The following C12orf42 variants were observed in gnomAD, a reference collection of about 807,000 sequenced individuals.
C12orf42 encodes the protein uncharacterized protein C12orf42.
A neutral mutation model predicts 21.6 loss-of-function variants in C12orf42; 25 were observed. The ratio of observed to expected loss-of-function variants is 1.16; its 90% CI spans 0.84 to 1.62. The LOEUF (loss-of-function observed/expected upper bound fraction) is 1.62, where lower values mean the gene tolerates loss of function less well. C12orf42 is among the 40% of genes most tolerant of loss of function. The pLI is 0.00. For missense variants in C12orf42, 483 were observed against 459.3 expected (o/e 1.05, Z -0.47); for synonymous variants, 174 against 175.0 (o/e 0.99, Z 0.05).
the C12orf42 span, among the ~76,000 whole-genome samples, chr12:103,209,526 G>A: frequency 2.0e-5 from 3 of 152,188 alleles, no homozygotes; most frequent in African/African-American, 7.2e-5. Context: ...AATAAAAGGT[G>A]ATTTGCAAAC....
intron 2 of C12orf42, among the ~76,000 whole-genome samples, chr12:103,407,684 G>A (rs374815625): frequency 9.8e-4 from 149 of 152,276 alleles, no homozygotes; most frequent in African/African-American, 3.4e-3. Context: ...GGAGTCAAAA[G>A]TTATGCATGG....
At chr12:103,115,594 A>C in the C12orf42 span, among the ~76,000 whole-genome samples, 3 of 152,174 alleles carry the variant, frequency 2.0e-5, no homozygotes, top group Admixed American at 6.5e-5. Context: ...CACTTCCCGG[A>C]GTTGTTTTGA....
At chr12:103,562,713 A>C in the C12orf42 span, among the ~76,000 whole-genome samples, 1 of 152,196 alleles carries the variant, frequency 6.6e-6, no homozygotes, top group Non-Finnish European at 1.5e-5. Flanking sequence ...TTATCCAAAC[A>C]ACAGATGACT....
intron 10 of C12orf42, among the ~76,000 whole-genome samples, chr12:103,248,855 T>C (rs777596758): frequency 7.9e-5 from 12 of 152,086 alleles, no homozygotes; most frequent in Non-Finnish European, 1.5e-4. Context: ...GTTTGGTATA[T>C]GGTTGACTAT....
chr12:103,086,827 G>A, the C12orf42 span, among the ~76,000 whole-genome samples: 1 of 151,950 alleles, frequency 6.6e-6, no homozygotes, highest in Admixed American at 6.6e-5. Context: ...AAGAAATCAC[G>A]TTTTCTTCAT....
intron 2 of C12orf42, chr12:103,431,391 AT>A (rs890867322): frequency 2.0e-4 from 31 of 152,340 alleles, no homozygotes; most frequent in African/African-American, 7.5e-4. Flanking sequence ...CTAACCTTTT[AT>A]AAAAATTTAC....
At chr12:103,407,319 A>G (rs2048496583) in intron 2 of C12orf42, among the ~76,000 whole-genome samples, 1 of 152,212 alleles carries the variant, frequency 6.6e-6, no homozygotes, top group South Asian at 2.1e-4. Context: ...ACAGAAAAAT[A>G]CAGTAGACCT....
rs529300065 is a variant in C12orf42, at chr12:103,386,118, C to T, written c.147+15489G>A. On this transcript the variant is annotated intron_variant, in intron 3 of 5. Transcript: ENST00000548883. ...ATTACCACATATGCAGATGAGAAAG[C>T]TGAGTTGCAGAAAGATAAGACATTT... is the stretch of plus-strand genomic sequence containing the variant. Among the ~76,000 whole-genome samples, 10 of 152,286 alleles carry T rather than the reference C, an allele frequency of 6.6e-5. No homozygotes were observed. The South Asian group carries it at 2.1e-3, about 32-fold the overall frequency.
intron 4 of C12orf42, among the ~76,000 whole-genome samples, chr12:103,322,560 C>T (rs1167334169): frequency 6.6e-6 from 1 of 152,080 alleles, no homozygotes; most frequent in Non-Finnish European, 1.5e-5. Flanking sequence ...TCCCTGAGGC[C>T]AACCTCACCC....
chr12:103,427,672 T>G (rs904904970), intron 2 of C12orf42, among the ~76,000 whole-genome samples: 71 of 152,190 alleles, frequency 4.7e-4, no homozygotes, highest in African/African-American at 1.7e-3. Flanking sequence ...CAACAGAATA[T>G]ACATTCTTCT....
At chr12:103,514,860 A>G in the C12orf42 span, among the ~76,000 whole-genome samples, 20 of 152,356 alleles carry the variant, frequency 1.3e-4, no homozygotes, top group African/African-American at 4.6e-4. Context: ...AGACGATAGC[A>G]CACAAATAAT....
At chr12:103,460,835 T>C (rs939002448) in intron 2 of C12orf42, among the ~76,000 whole-genome samples, 2 of 152,212 alleles carry the variant, frequency 1.3e-5, no homozygotes, top group African/African-American at 4.8e-5. Flanking sequence ...GGTGTAAATT[T>C]GGATACTGTG....
the C12orf42 span, among the ~76,000 whole-genome samples, chr12:103,525,555 C>T: frequency 1.9e-3 from 282 of 152,142 alleles, no homozygotes; most frequent in Non-Finnish European, 3.3e-3. Flanking sequence ...ATCATAGCAA[C>T]CCCTGAGGTA....
downstream of C12orf42, among the ~76,000 whole-genome samples, chr12:103,236,339 T>G (rs1443526758): frequency 6.6e-6 from 1 of 152,208 alleles, no homozygotes; most frequent in African/African-American, 2.4e-5. Context: ...TCTTGTTCCC[T>G]CAATGACTTG....
At chr12:103,543,908 T>G in the C12orf42 span, among the ~76,000 whole-genome samples, 6 of 151,108 alleles carry the variant, frequency 4.0e-5, no homozygotes, top group Non-Finnish European at 8.9e-5. Flanking sequence ...TTTTTGTTTT[T>G]TTTGAGATGG....
At chr12:103,355,459 G>C (rs996025413) in intron 4 of C12orf42, among the ~76,000 whole-genome samples, 2 of 152,132 alleles carry the variant, frequency 1.3e-5, no homozygotes, top group African/African-American at 4.8e-5. Flanking sequence ...CCGCCCATCT[G>C]AAAGGAAGAT....
chr12:103,191,743 T>C, the C12orf42 span, among the ~76,000 whole-genome samples: 1 of 122,068 alleles, frequency 8.2e-6, no homozygotes, highest in East Asian at 2.2e-4. Context: ...ACTCTGTGTC[T>C]AAAAAAAAAA....
At chr12:103,108,784 T>C in the C12orf42 span, among the ~76,000 whole-genome samples, 1 of 152,184 alleles carries the variant, frequency 6.6e-6, no homozygotes, top group African/African-American at 2.4e-5. Flanking sequence ...AGGACCAAGA[T>C]AAAATAGCTG....
chr12:103,051,040 G>C, the C12orf42 span, among the ~76,000 whole-genome samples: 1 of 151,998 alleles, frequency 6.6e-6, no homozygotes, highest in Non-Finnish European at 1.5e-5. Flanking sequence ...TCAGAGATTT[G>C]AAAAGAACAA....
Sources: gnomAD v4.1 joint callset for allele counts (sites outside exome capture counted in the v4.1 genomes callset) on GRCh38, gnomAD v4.1.1 for gene constraint, MANE v1.5 for transcripts, NCBI Gene and HGNC (gene_info 2026-07-23, HGNC 2026-07-21) for gene names.